ADK: variants seen among roughly 807,000 people sequenced by gnomAD.
ADK encodes the protein N6,N6-dimethyladenosine kinase.
In ADK, 24 loss-of-function variants were observed where a neutral mutation model predicts 44.7. The ratio of observed to expected loss-of-function variants is 0.54; its 90% confidence interval spans 0.39 to 0.76. ADK has a LOEUF of 0.76. ADK is among the 30% of genes least tolerant of loss of function. The pLI is 0.00. For missense variants in ADK, 321 were observed against 425.1 expected (o/e 0.76, Z 2.15); for synonymous variants, 128 against 142.6 (o/e 0.90, Z 0.73).
intron 6 of ADK, among the ~76,000 whole-genome samples, chr10:74,458,758 G>A (rs896376171): frequency 3.9e-5 from 6 of 151,922 alleles, no homozygotes; most frequent in Non-Finnish European, 8.8e-5. Flanking sequence ...TTTCTATGCC[G>A]TTTCTTTCTG....
chr10:74,506,334 A>G (rs1436033098), intron 6 of ADK: 4 of 266,666 alleles, frequency 1.5e-5, no homozygotes, highest in Non-Finnish European at 7.5e-6. Context: ...TCTACGGTAC[A>G]TATCAAGCAA....
chr10:74,162,529 G>A, intron 1 of ADK, among the ~76,000 whole-genome samples: 1 of 145,682 alleles, frequency 6.9e-6, no homozygotes, highest in Non-Finnish European at 1.5e-5. Context: ...TTTTGTGTGT[G>A]TGTGTGTGTG....
intron 4 of ADK, among the ~76,000 whole-genome samples, chr10:74,373,644 G>T (rs996528447): frequency 3.3e-5 from 5 of 152,136 alleles, no homozygotes; most frequent in African/African-American, 9.7e-5. Context: ...CTAGGATGAT[G>T]GGTATAATCA....
At chr10:74,207,037 A>G (rs1467379823) in intron 2 of ADK, among the ~76,000 whole-genome samples, 1 of 152,162 alleles carries the variant, frequency 6.6e-6, no homozygotes, top group South Asian at 2.1e-4. Context: ...AGAGTGTGTG[A>G]GCAAGCGAAT....
intron 9 of ADK, among the ~76,000 whole-genome samples, chr10:74,602,155 G>A (rs1396708267): frequency 6.8e-6 from 1 of 147,794 alleles, no homozygotes; most frequent in Non-Finnish European, 1.5e-5. Flanking sequence ...GAGTCAAAGA[G>A]GATCAAGTAA....
intron 10 of ADK, among the ~76,000 whole-genome samples, chr10:74,692,959 TA>T (rs1184920417): frequency 1.3e-5 from 2 of 152,078 alleles, no homozygotes; most frequent in Non-Finnish European, 2.9e-5. Flanking sequence ...ATGGAGACTG[TA>T]AAAAAGTCAG....
intron 9 of ADK, among the ~76,000 whole-genome samples, chr10:74,663,967 T>A (rs1020804368): frequency 6.6e-6 from 1 of 152,208 alleles, no homozygotes; most frequent in African/African-American, 2.4e-5. Context: ...ATAGGCATAT[T>A]TCATGCTGTT....
intron 4 of ADK, among the ~76,000 whole-genome samples, chr10:74,367,771 TG>T (rs1842540984): frequency 6.6e-6 from 1 of 152,192 alleles, no homozygotes; most frequent in African/African-American, 2.4e-5. Context: ...TCACATTTTT[TG>T]TTGTTGATTT....
At chr10:74,384,436 G>A (rs11001025) in intron 4 of ADK, among the ~76,000 whole-genome samples, 19,504 of 152,170 alleles carry the variant, frequency 0.13, 1,314 homozygotes, top group Middle Eastern at 0.17. Flanking sequence ...TTGGGAGGCC[G>A]AGGTGGATGG....
At chr10:74,214,643 A>G (rs1386286900) in intron 2 of ADK, among the ~76,000 whole-genome samples, 1 of 152,244 alleles carries the variant, frequency 6.6e-6, no homozygotes, top group Non-Finnish European at 1.5e-5. Context: ...GCTCTGTGCT[A>G]TGCTGATCTT....
At chr10:74,589,459 T>C (rs1314255793) in intron 8 of ADK, 142 bp downstream of exon 8, 2 of 848,112 alleles carry the variant, frequency 2.4e-6, no homozygotes, top group African/African-American at 1.7e-5. Context: ...GCAGTCGTCA[T>C]GGTTTCTTTG....
chr10:74,678,412 G>A (rs1015371057), intron 10 of ADK, among the ~76,000 whole-genome samples: 9 of 152,266 alleles, frequency 5.9e-5, no homozygotes, highest in African/African-American at 2.2e-4. Context: ...AAGAGAGAGA[G>A]AAATCACTTT....
intron 7 of ADK, among the ~76,000 whole-genome samples, chr10:74,542,172 T>A (rs1849662870): frequency 6.6e-6 from 1 of 150,556 alleles, no homozygotes; most frequent in African/African-American, 2.4e-5. Context: ...GCCCAGGAGG[T>A]CACATGGTGA....
In ADK at chr10:74,171,810, CTGTGTGTGTGTG is replaced by C. The variant is rs144943440; in HGVS notation, c.65+20489_65+20500del. On this transcript the variant is annotated intron_variant, in intron 1 of 10. Coordinates refer to ENST00000539909, the MANE Select transcript of ADK (RefSeq NM_006721.4). ...TCTCTTTCTGTCTCTCTCTGTCTCT[CTGTGTGTGTGTG>C]TGTGTGTGTGTGTGTGTGTGTATTT... is the stretch of plus-strand genomic sequence containing the variant. Among the ~76,000 whole-genome samples, 314 of 144,090 alleles carry C rather than the reference CTGTGTGTGTGTG, an allele frequency of 2.2e-3. 5 individuals carry two copies. The South Asian group carries it at 0.043, about 20-fold the overall frequency. 94.5% of individuals were successfully genotyped at this position (144,090 alleles called of 152,430 possible). A position where few individuals can be genotyped will look rare whatever the true frequency, so the allele number is the denominator to read the frequency against.
intron 6 of ADK, among the ~76,000 whole-genome samples, chr10:74,461,810 ATATCT>A (rs377120888): frequency 1.3e-3 from 193 of 152,224 alleles, no homozygotes; most frequent in African/African-American, 4.3e-3. Flanking sequence ...TAGTAATGAA[ATATCT>A]TATCTGTACT....
chr10:74,358,659 C>CT (rs1564674340), intron 4 of ADK, among the ~76,000 whole-genome samples: 1 of 152,164 alleles, frequency 6.6e-6, no homozygotes, highest in Admixed American at 6.5e-5. Flanking sequence ...GCTAGGAATT[C>CT]TTGTGTTTGG....
intron 9 of ADK, among the ~76,000 whole-genome samples, chr10:74,665,271 A>G (rs879710828): frequency 4.6e-5 from 7 of 152,228 alleles, no homozygotes; most frequent in African/African-American, 1.2e-4. Context: ...TTTTAATACT[A>G]TGGATATTAC....
intron 2 of ADK, among the ~76,000 whole-genome samples, chr10:74,205,638 T>C (rs1843565004): frequency 7.3e-6 from 1 of 137,130 alleles, no homozygotes; most frequent in Non-Finnish European, 1.5e-5. Context: ...ATTGCACCAC[T>C]GCACTCCAGC....
intron 7 of ADK, among the ~76,000 whole-genome samples, chr10:74,555,276 A>G (rs1850197704): frequency 6.6e-6 from 1 of 152,228 alleles, no homozygotes; most frequent in Admixed American, 6.5e-5. Flanking sequence ...AATAACAATA[A>G]TAATATAACT....
Sources: gnomAD v4.1 joint callset for allele counts (sites outside exome capture counted in the v4.1 genomes callset) on GRCh38, gnomAD v4.1.1 for gene constraint, MANE v1.5 for transcripts, NCBI Gene and HGNC (gene_info 2026-07-23, HGNC 2026-07-21) for gene names.